CDH20: variants seen among roughly 807,000 people sequenced by gnomAD.
CDH20 encodes the protein cadherin-20.
CDH20 carries 29 observed loss-of-function variants against 74.2 expected under a neutral mutation model. The ratio of observed to expected loss-of-function variants is 0.39; its 90% CI spans 0.29 to 0.53. CDH20 has a LOEUF of 0.53. Ranked by LOEUF, CDH20 falls within the 20% of genes least tolerant of loss-of-function variation. The pLI is 0.69. For synonymous variants in CDH20, 469 were observed against 405.4 expected (o/e 1.16, Z -1.88); for missense variants, 988 against 1,048.3 (o/e 0.94, Z 0.79).
chr18:61,405,637 T>G (rs1285890955), intron 1 of CDH20, among the ~76,000 whole-genome samples: 1 of 152,106 alleles, frequency 6.6e-6, no homozygotes, highest in Non-Finnish European at 1.5e-5. Flanking sequence ...ACAAATTCCA[T>G]CAGGTTCTTC....
At chr18:61,389,099 T>C (rs1911690954) in intron 1 of CDH20, among the ~76,000 whole-genome samples, 1 of 152,196 alleles carries the variant, frequency 6.6e-6, no homozygotes, top group Non-Finnish European at 1.5e-5. Flanking sequence ...AGGACACTGC[T>C]GCAGGATGGG....
intron 1 of CDH20, among the ~76,000 whole-genome samples, chr18:61,384,422 G>T (rs893980172): frequency 6.6e-6 from 1 of 152,110 alleles, no homozygotes. Flanking sequence ...AGAAATGCCT[G>T]CCCTATGCCG....
At chr18:61,338,811 C>T (rs1294638495) in intron 1 of CDH20, among the ~76,000 whole-genome samples, 1 of 152,152 alleles carries the variant, frequency 6.6e-6, no homozygotes, top group African/African-American at 2.4e-5. Context: ...TGTATTCTGA[C>T]TAATGCCATT....
At chr18:61,355,815 C>T (rs1910479050) in intron 1 of CDH20, among the ~76,000 whole-genome samples, 1 of 151,916 alleles carries the variant, frequency 6.6e-6, no homozygotes. Flanking sequence ...TAAATTTGGG[C>T]AAAAATTGGG....
intron 1 of CDH20, among the ~76,000 whole-genome samples, chr18:61,476,666 G>C (rs879790627): frequency 6.6e-6 from 1 of 152,130 alleles, no homozygotes; most frequent in Non-Finnish European, 1.5e-5. Context: ...TGGTCTAGTT[G>C]GTTACCTTGA....
At chr18:61,423,699 A>G (rs936897061) in intron 1 of CDH20, among the ~76,000 whole-genome samples, 6 of 152,128 alleles carry the variant, frequency 3.9e-5, no homozygotes, top group African/African-American at 1.4e-4. Flanking sequence ...CCTTCACCCC[A>G]TAAAAAAATT....
At chr18:61,345,045 G>A (rs1170041758) in intron 1 of CDH20, among the ~76,000 whole-genome samples, 1 of 152,154 alleles carries the variant, frequency 6.6e-6, no homozygotes, top group African/African-American at 2.4e-5. Flanking sequence ...TTCTGCCAGT[G>A]AACTCTGATT....
intron 1 of CDH20, among the ~76,000 whole-genome samples, chr18:61,489,794 G>A (rs116684469): frequency 0.013 from 2,037 of 152,128 alleles, 50 homozygotes; most frequent in African/African-American, 0.046. Context: ...AGCCAAAACA[G>A]TAGAGTGTGA....
At chr18:61,440,506 T>A (rs957763560) in intron 1 of CDH20, among the ~76,000 whole-genome samples, 8 of 152,148 alleles carry the variant, frequency 5.3e-5, no homozygotes, top group African/African-American at 1.9e-4. Context: ...ACAATAATAG[T>A]ATGTAACAAA....
intron 1 of CDH20, among the ~76,000 whole-genome samples, chr18:61,363,794 T>C (rs1910773762): frequency 6.6e-6 from 1 of 152,234 alleles, no homozygotes; most frequent in African/African-American, 2.4e-5. Flanking sequence ...AACAGCCTTT[T>C]ATTACATCAA....
At chr18:61,455,470 TTAAA>T (rs1909542494) in intron 1 of CDH20, among the ~76,000 whole-genome samples, 1 of 152,208 alleles carries the variant, frequency 6.6e-6, no homozygotes, top group South Asian at 2.1e-4. Flanking sequence ...ATATGCAAAT[TTAAA>T]TAACCTTAAG....
At chr18:61,476,310 G>A (rs191419151) in intron 1 of CDH20, among the ~76,000 whole-genome samples, 1 of 152,218 alleles carries the variant, frequency 6.6e-6, no homozygotes, top group Non-Finnish European at 1.5e-5. Flanking sequence ...GGTGCTAAAT[G>A]AGACCATCTG....
At chr18:61,411,564 A>ATG (rs1204699253) in intron 1 of CDH20, among the ~76,000 whole-genome samples, 71 of 19,066 alleles carry the variant, frequency 3.7e-3, no homozygotes, top group African/African-American at 9.6e-3. Context: ...ATGTGTATAT[A>ATG]TGTGTGTGTG....
chr18:61,334,482 G>A (rs967702640), intron 1 of CDH20: 2 of 152,412 alleles, frequency 1.3e-5, no homozygotes, highest in Non-Finnish European at 2.9e-5. Context: ...CCCAAGGAAA[G>A]CTCTGAATTG....
At chr18:61,451,069 GATAT>G (rs1267826968) in intron 1 of CDH20, among the ~76,000 whole-genome samples, 1 of 151,538 alleles carries the variant, frequency 6.6e-6, no homozygotes, top group African/African-American at 2.4e-5. Flanking sequence ...TTTATATTTT[GATAT>G]ATATTGCTAA....
At chr18:61,447,309 T>C (rs928871197) in intron 1 of CDH20, among the ~76,000 whole-genome samples, 1 of 152,218 alleles carries the variant, frequency 6.6e-6, no homozygotes, top group African/African-American at 2.4e-5. Context: ...AAATTTAAAC[T>C]GAATTCACAA....
chr18:61,337,983 C>G (rs532297601), intron 1 of CDH20, among the ~76,000 whole-genome samples: 1 of 152,288 alleles, frequency 6.6e-6, no homozygotes, highest in East Asian at 1.9e-4. Flanking sequence ...ATAAATATAA[C>G]ATAACTGTAT....
intron 1 of CDH20, among the ~76,000 whole-genome samples, chr18:61,394,522 C>G (rs1911897254): frequency 6.6e-6 from 1 of 152,138 alleles, no homozygotes; most frequent in Non-Finnish European, 1.5e-5. Context: ...TGATCACCAG[C>G]AAATGTCCAG....
At chr18:61,376,270 A>G (rs1398929494) in intron 1 of CDH20, among the ~76,000 whole-genome samples, 1 of 152,152 alleles carries the variant, frequency 6.6e-6, no homozygotes, top group Non-Finnish European at 1.5e-5. Flanking sequence ...ATTTAAAAAA[A>G]GGAATTAGGG....
Sources: allele counts gnomAD v4.1 joint callset (sites outside exome capture counted in the v4.1 genomes callset), GRCh38; gene constraint gnomAD v4.1.1; transcripts MANE v1.5; gene names NCBI Gene and HGNC (gene_info 2026-07-23, HGNC 2026-07-21).